PJVK: variants seen among roughly 807,000 people sequenced by gnomAD.
PJVK encodes autosomal recessive deafness type 59 protein.
A neutral mutation model predicts 37.6 loss-of-function variants in PJVK; 33 were observed. The observed-to-expected ratio is 0.88, with a 90% CI of 0.67 to 1.17. The LOEUF is 1.17. Among genes scored for constraint, PJVK ranks in the 50% most tolerant of loss-of-function variants. PJVK has a pLI of 0.00. For synonymous variants in PJVK, 141 were observed against 143.5 expected, an observed-to-expected ratio of 0.98 and a Z score of 0.13; for missense variants, 410 against 413.8, an observed-to-expected ratio of 0.99 and a Z score of 0.08.
chr2:178,455,264 G>T (rs1350235815), intron 3 of PJVK: 2 of 1,476,656 alleles, frequency 1.4e-6, no homozygotes, highest in Non-Finnish European at 1.9e-6. Context: ...CAAGCTGTCA[G>T]ACCTGGACAG....
Position 178,462,028 on chromosome 2 carries a change from G to T in PJVK, c.*754G>T, listed in dbSNP as rs761260254. On this transcript the variant is annotated 3_prime_UTR_variant, in exon 7 of 7. Coordinates refer to ENST00000644580, the MANE Select transcript of PJVK (RefSeq NM_001042702.5). ...TATTGCCTTTGGTCTGGTAAAATGA[G>T]AAAAATGTGTTAATAATTTAATGCA... Among the ~76,000 whole-genome samples the T allele has an allele frequency of 6.6e-6, 1 of 152,198 alleles. No individual in the cohort carries two copies. Among genetic ancestry groups the T allele is most frequent in the African/African-American group, 2.4e-5 (1 of 41,454 alleles).
intron 3 of PJVK, 83 bp downstream of exon 3, chr2:178,454,610 A>T: frequency 6.7e-7 from 1 of 1,487,274 alleles, no homozygotes; most frequent in Non-Finnish European, 9.2e-7. Context: ...AATGCTTAAA[A>T]CATTGAGGTT....
At chr2:178,459,225 T>A (rs1488692530) in intron 5 of PJVK, 1 of 472,096 alleles carries the variant, frequency 2.1e-6, no homozygotes, top group African/African-American at 2.0e-5. Flanking sequence ...CTGGAACAAG[T>A]CCAGGTGTAG....
intron 6 of PJVK, among the ~76,000 whole-genome samples, chr2:178,460,701 T>C (rs1013550855): frequency 6.6e-6 from 1 of 151,682 alleles, no homozygotes; most frequent in Non-Finnish European, 1.5e-5. Context: ...GAAAAAAAAT[T>C]AGTTGGTTGC....
At position 178,454,351 on chromosome 2, in the gene PJVK, A is replaced by T; in HGVS notation, c.231A>T (p.Leu77Phe). The change falls in exon 3 of 7, where the codon TTA becomes TTT. Residue 77 changes from leucine (L) to phenylalanine (F), a missense_variant. Transcript: ENST00000644580. ...ATAAAGGTATTTCATCTTATCAATT[A>T]CTGAATTATGAAGATGAATCAGATG... ...EISAGISSYQ[L>F]LNYEDESDVS... 1 of 1,612,996 alleles carries T rather than the reference A, an allele frequency of 6.2e-7. No individual in the cohort carries two copies. Among genetic ancestry groups the T allele is most frequent in the Non-Finnish European group, 8.5e-7 (1 of 1,179,364 alleles).
At chr2:178,456,214 A>G in intron 4 of PJVK, 63 bp downstream of exon 4, 1 of 1,572,620 alleles carries the variant, frequency 6.4e-7, no homozygotes, top group Non-Finnish European at 8.7e-7. Flanking sequence ...TTTTTTAAGT[A>G]TTGAATTTCT....
At chr2:178,458,468 A>G (rs1212867534) in intron 4 of PJVK, 42 bp from the exon 5 acceptor site, 1 of 1,452,452 alleles carries the variant, frequency 6.9e-7, no homozygotes, top group East Asian at 2.3e-5. Flanking sequence ...CTATCCTTAC[A>G]TGTTATGATC....
In PJVK at chr2:178,456,107, T is replaced by C; in HGVS notation, c.505T>C (p.Cys169Arg). 6.2e-7 allele frequency: 1 copy of C among 1,614,176 alleles called. No individual in the cohort carries two copies. The highest frequency in any genetic ancestry group is 8.5e-7 in the Non-Finnish European group (1 of 1,180,016). ...GGAGAGCATCCGAACCACACGACAG[T>C]GCTCACTGTCTGTGCATGCTGGAAT... ...VMESIRTTRQ[C>R]SLSVHAGIRG... The change falls in exon 4 of 7, where the codon TGC becomes CGC. Residue 169 changes from cysteine to arginine, a missense_variant. Coordinates refer to ENST00000644580, the MANE Select transcript of PJVK (RefSeq NM_001042702.5).
chr2:178,453,723 G>T, intron 2 of PJVK, 103 bp downstream of exon 2: 2 of 955,076 alleles, frequency 2.1e-6, no homozygotes, highest in Non-Finnish European at 3.3e-6. Flanking sequence ...CATTTTCAAT[G>T]ATTAAAGCAA....
chr2:178,451,979 C>T (rs1306468611), intron 1 of PJVK: 1 of 498,556 alleles, frequency 2.0e-6, no homozygotes, highest in Non-Finnish European at 2.6e-6. Flanking sequence ...CAATGCTATT[C>T]GTACGAAAGG....
chr2:178,453,680 T>C, intron 2 of PJVK, 60 bp downstream of exon 2: 4 of 1,352,908 alleles, frequency 3.0e-6, no homozygotes, highest in Non-Finnish European at 4.2e-6. Flanking sequence ...AACCTAAACA[T>C]AGGTCATATA....
chr2:178,459,218 G>T (rs776868530), intron 5 of PJVK: 1 of 472,124 alleles, frequency 2.1e-6, no homozygotes, highest in South Asian at 1.5e-5. Context: ...TGGCCAACTG[G>T]AACAAGTCCA....
At chr2:178,453,316 T>G in intron 1 of PJVK, 72 bp from the exon 2 acceptor site, 1 of 1,257,434 alleles carries the variant, frequency 8.0e-7, no homozygotes, top group Non-Finnish European at 1.1e-6. Context: ...TATAATTATA[T>G]TTAAAAACAA....
At chr2:178,460,917 T>G in intron 6 of PJVK, 65 bp from the exon 7 acceptor site, 1 of 1,283,208 alleles carries the variant, frequency 7.8e-7, no homozygotes, top group Non-Finnish European at 1.1e-6. Flanking sequence ...TTATTAATGC[T>G]GTTTGCATTA....
At position 178,456,101 on chromosome 2, in the gene PJVK, C is replaced by G. The variant is rs118203989; in HGVS notation, c.499C>G (p.Arg167Gly). 6 of 1,614,084 alleles carry G rather than the reference C, an allele frequency of 3.7e-6. No individual in the cohort carries two copies. The highest frequency in any genetic ancestry group is 2.2e-5 in the South Asian group (2 of 91,078). ...CVVMESIRTT[R>G]QCSLSVHAGI... ...GGTCATGGAGAGCATCCGAACCACACGACAGTGCTCACTGTCTGTGCATGC... is the reference window on the plus strand; with the variant it reads ...GGTCATGGAGAGCATCCGAACCACAGGACAGTGCTCACTGTCTGTGCATGC... The change falls in exon 4 of 7, where the codon CGA becomes GGA. Residue 167 changes from arginine (R) to glycine (G), a missense_variant. By Grantham distance (125) the Arg-to-Gly change is moderately radical. Transcript: ENST00000644580.
intron 5 of PJVK, 24 bp from the exon 6 acceptor site, chr2:178,460,324 A>G (rs1161367742): frequency 1.3e-6 from 2 of 1,576,448 alleles, no homozygotes; most frequent in Non-Finnish European, 1.7e-6. Context: ...AAGTTATAAC[A>G]TCTTCTAACA....
At chr2:178,453,127 C>T (rs561208048) in intron 1 of PJVK, 7 of 386,620 alleles carry the variant, frequency 1.8e-5, no homozygotes, top group South Asian at 6.9e-5. Flanking sequence ...CATATTTTTA[C>T]GTTATTAGTT....
rs1697904864 is a variant in PJVK at position 178,454,214 on chromosome 2, T to A, written c.212-118T>A. 4 of 796,588 alleles carry A rather than the reference T, an allele frequency of 5.0e-6. No individual in the cohort carries two copies. In the Admixed American group the frequency reaches 8.9e-5, roughly 18 times the overall value. 49.3% of individuals were successfully genotyped at this position (796,588 alleles called of 1,614,324 possible). ...TACTACTTTAAGTCTTGGTGAGTCA[T>A]GTTGCCTTTCTCTAACATTTGGGTA... On this transcript the variant is annotated intron_variant, in intron 2 of 6. Coordinates refer to ENST00000644580, the MANE Select transcript of PJVK (RefSeq NM_001042702.5).
intron 3 of PJVK, chr2:178,455,541 G>T: frequency 2.7e-6 from 2 of 746,406 alleles, no homozygotes; most frequent in South Asian, 2.8e-5. Flanking sequence ...CATGGGACTG[G>T]CCCAGGCACA....
Sources: gnomAD v4.1 joint callset for allele counts (sites outside exome capture counted in the v4.1 genomes callset) on GRCh38, gnomAD v4.1.1 for gene constraint, MANE v1.5 for transcripts, NCBI Gene and HGNC (gene_info 2026-07-23, HGNC 2026-07-21) for gene names.